The following SCUBE1 variants were observed in gnomAD, a reference collection of about 807,000 sequenced individuals.
The protein encoded by SCUBE1 is signal peptide, CUB domain and EGF like domain containing 1.
SCUBE1 carries 59 observed loss-of-function variants against 124.4 expected under a neutral mutation model. The observed-to-expected ratio is 0.47, with a 90% CI of 0.38 to 0.59. The LOEUF (loss-of-function observed/expected upper bound fraction) is 0.59. SCUBE1 is among the 20% of genes least tolerant of loss of function. The probability of loss-of-function intolerance (pLI) is 0.00; values close to 1 mark genes in which losing one functional copy is unlikely to be tolerated. For synonymous variants in SCUBE1, 545 were observed against 550.9 expected, an observed-to-expected ratio of 0.99 and a Z score of 0.15; for missense variants, 1,150 against 1,371.2, an observed-to-expected ratio of 0.84 and a Z score of 2.55.
rs1601814954 is a variant in SCUBE1, at chr22:43,231,784, G to A, written c.936C>T (p.Tyr312=). The change falls in exon 8 of 22, where the codon TAC becomes TAT. Residue 312 remains tyrosine, a synonymous_variant. Transcript: ENST00000360835. ...AGGTGCGCTCGTCGGTGAGCAGCTT[G>A]TAGCCCTTCCGGCAGCCGCACTCGA... The part of the protein sequence containing the change: ...GSFECGCRKG[Y]KLLTDERTCQ... The A allele has an allele frequency of 6.2e-7, 1 of 1,608,524 alleles. No homozygotes were observed. Among genetic ancestry groups the A allele is most frequent in the East Asian group, 2.2e-5 (1 of 44,646 alleles).
At chr22:43,220,629 C>A in intron 13 of SCUBE1, 42 bp from the exon 14 acceptor site, 6 of 1,604,628 alleles carry the variant, frequency 3.7e-6, no homozygotes, top group African/African-American at 1.3e-5. Context: ...CGGCATGGGG[C>A]AGGGAGCAAG....
At chr22:43,244,160 C>T (rs1293273984) in intron 6 of SCUBE1, among the ~76,000 whole-genome samples, 1 of 152,164 alleles carries the variant, frequency 6.6e-6, no homozygotes, top group East Asian at 1.9e-4. Flanking sequence ...CACTGCCCAC[C>T]TCCCAGCCCA....
intron 2 of SCUBE1, among the ~76,000 whole-genome samples, chr22:43,321,069 G>C (rs1259571766): frequency 2.0e-5 from 3 of 152,200 alleles, no homozygotes; most frequent in Admixed American, 6.5e-5. Flanking sequence ...TGGGGAGAGA[G>C]GAGGGCCGGA....
intron 1 of SCUBE1, among the ~76,000 whole-genome samples, chr22:43,342,188 G>A (rs950097637): frequency 1.3e-5 from 2 of 150,988 alleles, no homozygotes; most frequent in South Asian, 4.2e-4. Flanking sequence ...CTCTGATGAC[G>A]AGGAGGGGAG....
At chr22:43,307,981 A>G (rs1926033755) in intron 3 of SCUBE1, among the ~76,000 whole-genome samples, 1 of 152,006 alleles carries the variant, frequency 6.6e-6, no homozygotes, top group African/African-American at 2.4e-5. Context: ...GCCCCCTGTA[A>G]TAAACACCCC....
At chr22:43,261,513 A>C (rs1923869934) in intron 5 of SCUBE1, among the ~76,000 whole-genome samples, 1 of 152,206 alleles carries the variant, frequency 6.6e-6, no homozygotes, top group Non-Finnish European at 1.5e-5. Flanking sequence ...GAGTTGGGAA[A>C]GGTATGGCAA....
intron 6 of SCUBE1, among the ~76,000 whole-genome samples, chr22:43,242,443 G>T (rs896945930): frequency 6.6e-6 from 1 of 152,244 alleles, no homozygotes; most frequent in Non-Finnish European, 1.5e-5. Flanking sequence ...AGCAGCAAAC[G>T]GGGCCCCGAG....
rs772253534 is a variant in SCUBE1 at position 43,210,876 on chromosome 22, C to CG, written c.2383+45_2383+46insC. 1 of 1,609,354 alleles carries CG rather than the reference C, an allele frequency of 6.2e-7. No homozygotes were observed. Among genetic ancestry groups the CG allele is most frequent in the Non-Finnish European group, 8.5e-7 (1 of 1,176,680 alleles). On this transcript the variant is annotated intron_variant, in intron 18 of 21. Coordinates refer to ENST00000360835, the MANE Select transcript of SCUBE1 (RefSeq NM_173050.5). The surrounding 1 kb of genome is among the most constrained non-coding windows in gnomAD (Gnocchi z 4.5). ...CCTCCCGCCCCCACAACCTGCCCAG[C>CG]CCCTCCCGTGTTCCCAGCTTCCCAC...
At chr22:43,220,387 G>A in intron 14 of SCUBE1, 63 bp downstream of exon 14, 1 of 1,566,868 alleles carries the variant, frequency 6.4e-7, no homozygotes, top group Non-Finnish European at 8.7e-7. Context: ...GCCCCCGGCA[G>A]CGCCACCAGC....
chr22:43,330,090 T>C (rs1436152073), intron 2 of SCUBE1, among the ~76,000 whole-genome samples: 2 of 150,342 alleles, frequency 1.3e-5, no homozygotes, highest in East Asian at 1.9e-4. Context: ...ATGCAGATAC[T>C]GGTGCAGCCT....
intron 20 of SCUBE1, 107 bp from the exon 21 acceptor site, chr22:43,207,720 T>A: frequency 1.1e-6 from 1 of 873,802 alleles, no homozygotes; most frequent in African/African-American, 1.7e-5. Context: ...AGCCACGGGC[T>A]CTGGGCTATG....
intron 2 of SCUBE1, among the ~76,000 whole-genome samples, chr22:43,321,226 A>G (rs1926542738): frequency 6.6e-6 from 1 of 152,200 alleles, no homozygotes; most frequent in Non-Finnish European, 1.5e-5. Flanking sequence ...GGTTCCAGCT[A>G]CGAAAGTGGG....
intron 4 of SCUBE1, among the ~76,000 whole-genome samples, chr22:43,284,999 G>C (rs576202487): frequency 3.9e-5 from 6 of 152,126 alleles, no homozygotes; most frequent in Non-Finnish European, 5.9e-5. Flanking sequence ...AACAAACTCC[G>C]AACGTTAACC....
chr22:43,338,691 AAC>A (rs1927166405), intron 2 of SCUBE1, among the ~76,000 whole-genome samples: 2 of 152,046 alleles, frequency 1.3e-5, no homozygotes, highest in Admixed American at 6.5e-5. Context: ...ACGCTCGGCT[AAC>A]TTTTTTTGTA....
rs1921001226 is a variant in SCUBE1, at chr22:43,201,314, A to AAAAAAAAAAAAAAAAAAAAAAC, written c.*2682_*2683insGTTTTTTTTTTTTTTTTTTTTT. The stretch of plus-strand genomic sequence containing the variant: ...GCGAGACTCCATCTCAAAAAAAAAA[A>AAAAAAAAAAAAAAAAAAAAAAC]AAAAAAAAAAAAAGAAAACAAAAAA... On this transcript the variant is annotated 3_prime_UTR_variant, in exon 22 of 22. Transcript: ENST00000360835. The AAAAAAAAAAAAAAAAAAAAAAC allele has an allele frequency of 6.7e-6, 1 of 149,648 alleles. No homozygotes were observed. 9.3% of individuals were successfully genotyped at this position (149,648 alleles called of 1,614,324 possible).
rs986007503 is a variant in SCUBE1 at position 43,202,362 on chromosome 22, G to A, written c.*1635C>T. On this transcript the variant is annotated 3_prime_UTR_variant, in exon 22 of 22. Transcript: ENST00000360835. ...CAGGAGGAACCCTAGAGGCAACTTC[G>A]AGCTGAAGACTGGAGTTCATTTTCA... is the stretch of plus-strand genomic sequence containing the variant. The A allele has an allele frequency of 3.3e-5, 5 of 152,328 alleles. No individual in the cohort carries two copies. Among genetic ancestry groups the A allele is most frequent in the East Asian group, 3.9e-4 (2 of 5,186 alleles). 9.4% of individuals were successfully genotyped at this position (152,328 alleles called of 1,614,324 possible). A position where few individuals can be genotyped will look rare whatever the true frequency, so the allele number is the denominator to read the frequency against.
intron 4 of SCUBE1, among the ~76,000 whole-genome samples, chr22:43,288,583 C>T (rs887642724): frequency 8.5e-5 from 13 of 152,206 alleles, no homozygotes; most frequent in South Asian, 2.1e-4. Flanking sequence ...CCTTTGCACG[C>T]GCCCAGCCTG....
At position 43,250,775 on chromosome 22, in the gene SCUBE1, C is replaced by T. The variant is rs141732586; in HGVS notation, c.727+7444G>A. 3.5e-4 allele frequency among the ~76,000 whole-genome samples: 53 copies of T among 152,306 alleles called. No individual in the cohort carries two copies. The East Asian group carries it at 9.8e-3, about 28-fold the overall frequency. ...GGGGTCCCTAGCCTGCAGCTCAGGC[C>T]CCACTGCTCTCATGGGGGTGGTGGG... is the stretch of plus-strand genomic sequence containing the variant. On this transcript the variant is annotated intron_variant, in intron 6 of 21. Transcript: ENST00000360835.
chr22:43,238,776 A>C, intron 7 of SCUBE1, 62 bp downstream of exon 7: 1 of 1,359,264 alleles, frequency 7.4e-7, no homozygotes, highest in Non-Finnish European at 1.1e-6. Flanking sequence ...CTATGCAAGC[A>C]CACGGAGGCT....
Sources: gnomAD v4.1 joint callset for allele counts (sites outside exome capture counted in the v4.1 genomes callset) on GRCh38, gnomAD v4.1.1 for gene constraint, Gnocchi (gnomAD v3.1) non-coding constraint, MANE v1.5 for transcripts, NCBI Gene and HGNC (gene_info 2026-07-23, HGNC 2026-07-21) for gene names.